The following SMC1B variants were observed in gnomAD, a reference collection of about 807,000 sequenced individuals.
SMC1B encodes structural maintenance of chromosomes protein 1B.
Under a neutral mutation model 157.9 loss-of-function variants are expected in SMC1B, and 60 were observed. The observed-to-expected ratio is 0.38, with a 90% confidence interval of 0.31 to 0.47. The LOEUF (loss-of-function observed/expected upper bound fraction) is 0.47. Among genes scored for constraint, SMC1B ranks in the 20% least tolerant of loss-of-function variants. The pLI is 0.99. For missense variants in SMC1B, 1,165 were observed against 1,426.2 expected (o/e 0.82, Z 2.95); for synonymous variants, 445 against 483.0 (o/e 0.92, Z 1.03).
chr22:45,347,188 C>T (rs761621440), intron 23 of SMC1B, among the ~76,000 whole-genome samples: 1 of 152,204 alleles, frequency 6.6e-6, no homozygotes, highest in Non-Finnish European at 1.5e-5. Context: ...ACTCAAGATG[C>T]TCTTCTTTCC....
At chr22:45,348,794 G>T (rs2086578351) in intron 23 of SMC1B, among the ~76,000 whole-genome samples, 1 of 151,574 alleles carries the variant, frequency 6.6e-6, no homozygotes, top group South Asian at 2.1e-4. Flanking sequence ...TGTCTCTCAG[G>T]CTCAGGTGAT....
rs937174219 is a variant in SMC1B at position 45,396,367 on chromosome 22, C to T, written c.1233G>A (p.Lys411=). The T allele has an allele frequency of 1.7e-5, 28 of 1,612,976 alleles. No individual in the cohort carries two copies. The highest frequency in any genetic ancestry group is 2.3e-5 in the Non-Finnish European group (27 of 1,179,566). The change falls in exon 7 of 25, where the codon AAG becomes AAA. Residue 411 remains lysine, a synonymous_variant. Transcript: ENST00000357450. ...ACACCTGAACTTCTCCATGCCTCCT[C>T]TTTTCAAATGCCAGTCTTTCTTCAT... The part of the protein sequence containing the change: ...KTDEERLAFE[K]RRHGEVQGNL...
chr22:45,367,084 G>A (rs1194747644), intron 15 of SMC1B, among the ~76,000 whole-genome samples: 1 of 152,146 alleles, frequency 6.6e-6, no homozygotes, highest in Non-Finnish European at 1.5e-5. Context: ...CTTGATCAGA[G>A]AGCTTGCCTA....
chr22:45,389,799 G>C lies in SMC1B; in HGVS notation c.1644C>G (p.Ala548=). 1 of 1,614,022 alleles carries C rather than the reference G, an allele frequency of 6.2e-7. No individual in the cohort carries two copies. The highest frequency in any genetic ancestry group is 8.5e-7 in the Non-Finnish European group (1 of 1,179,966). ...FGRFITAIVV[A]SEKVAKDCIR... ...TACAATCTTTTGCTACCTTTTCAGA[G>C]GCTACAACAATGGCAGTGATGAACC... Residue 548 remains alanine (A), a synonymous_variant, in exon 10 of 25, where the codon GCC becomes GCG. Coordinates refer to ENST00000357450, the MANE Select transcript of SMC1B (RefSeq NM_148674.5).
intron 7 of SMC1B, 136 bp from the exon 8 acceptor site, chr22:45,394,903 T>G: frequency 9.6e-7 from 1 of 1,039,506 alleles, no homozygotes; most frequent in East Asian, 3.7e-5. Context: ...AAAACACTTA[T>G]CAGAGCAAAT....
At chr22:45,353,918 A>AAC in intron 21 of SMC1B, 60 bp downstream of exon 21, 1 of 862,580 alleles carries the variant, frequency 1.2e-6, no homozygotes. Context: ...AAAAAAAAAA[A>AAC]AACAACCACC....
At chr22:45,386,537 C>T (rs552975762) in intron 11 of SMC1B, among the ~76,000 whole-genome samples, 74 of 151,996 alleles carry the variant, frequency 4.9e-4, no homozygotes, top group African/African-American at 1.1e-3. Context: ...GTATTCAAAA[C>T]CACAGGTACC....
intron 10 of SMC1B, among the ~76,000 whole-genome samples, chr22:45,387,424 T>G (rs2087001291): frequency 6.6e-6 from 1 of 151,898 alleles, no homozygotes; most frequent in African/African-American, 2.4e-5. Flanking sequence ...CACTCCAGCC[T>G]AGGCAACAGA....
At chr22:45,380,541 C>T (rs1307223062) in intron 12 of SMC1B, among the ~76,000 whole-genome samples, 1 of 152,156 alleles carries the variant, frequency 6.6e-6, no homozygotes, top group Non-Finnish European at 1.5e-5. Context: ...GAAGCTTCTT[C>T]CACTTAGTCT....
intron 18 of SMC1B, among the ~76,000 whole-genome samples, chr22:45,359,408 C>G (rs1310338674): frequency 2.0e-5 from 3 of 152,188 alleles, no homozygotes; most frequent in African/African-American, 7.2e-5. Context: ...CCGTCACCAC[C>G]TGGAGATACT....
chr22:45,349,053 C>T (rs982574947), intron 23 of SMC1B, among the ~76,000 whole-genome samples: 10 of 131,372 alleles, frequency 7.6e-5, no homozygotes, highest in South Asian at 2.4e-4. Context: ...GAGTCTCTGT[C>T]GCTCAGGCTG....
chr22:45,345,695 T>G, intron 23 of SMC1B, 126 bp from the exon 24 acceptor site: 1 of 609,508 alleles, frequency 1.6e-6, no homozygotes. Context: ...ACCTTTCCAA[T>G]AATTCAATAA....
intron 19 of SMC1B, among the ~76,000 whole-genome samples, 155 bp downstream of exon 19, chr22:45,358,542 T>C (rs1602051923): frequency 6.6e-6 from 1 of 152,336 alleles, no homozygotes; most frequent in African/African-American, 2.4e-5. Flanking sequence ...AGAAGTTTCA[T>C]GATTACAGTG....
At chr22:45,349,609 C>T (rs2086590699) in intron 23 of SMC1B, 119 bp downstream of exon 23, 1 of 762,078 alleles carries the variant, frequency 1.3e-6, no homozygotes, top group Non-Finnish European at 2.1e-6. Context: ...GCTGGGATTA[C>T]AGGCGTGAGC....
At chr22:45,377,636 CAAA>C (rs146368901) in intron 12 of SMC1B, among the ~76,000 whole-genome samples, 1 of 120,540 alleles carries the variant, frequency 8.3e-6, no homozygotes. Context: ...GACTCTGTCT[CAAA>C]AAAAAAAAAA....
intron 2 of SMC1B, among the ~76,000 whole-genome samples, 157 bp from the exon 3 acceptor site, chr22:45,407,022 G>A (rs2087269951): frequency 6.6e-6 from 1 of 152,116 alleles, no homozygotes; most frequent in Non-Finnish European, 1.5e-5. Flanking sequence ...AACAAATATT[G>A]AGTGTCTATT....
chr22:45,399,078 A>G lies in SMC1B; in HGVS notation c.1113+17T>C. Reference sequence around the variant, plus strand: ...ATAATAGAAACACAAGATTTCCCCTAAGTTGTCCTTTTTTACCTGACTGGC... The same window carrying G: ...ATAATAGAAACACAAGATTTCCCCTGAGTTGTCCTTTTTTACCTGACTGGC... On this transcript the variant is annotated intron_variant, in intron 6 of 24. Coordinates refer to ENST00000357450, the MANE Select transcript of SMC1B (RefSeq NM_148674.5). The G allele has an allele frequency of 6.2e-7, 1 of 1,601,844 alleles. No individual in the cohort carries two copies. The highest frequency in any genetic ancestry group is 8.5e-7 in the Non-Finnish European group (1 of 1,176,756).
chr22:45,348,853 C>T (rs919785872), intron 23 of SMC1B, among the ~76,000 whole-genome samples: 2 of 151,694 alleles, frequency 1.3e-5, no homozygotes, highest in South Asian at 2.1e-4. Flanking sequence ...TGTGTGCCAC[C>T]ATGCTCAGAT....
intron 5 of SMC1B, among the ~76,000 whole-genome samples, chr22:45,400,692 C>T (rs2087182237): frequency 6.6e-6 from 1 of 152,094 alleles, no homozygotes; most frequent in South Asian, 2.1e-4. Context: ...AAAATAACCT[C>T]ACAGAGGAGA....
Sources: allele counts gnomAD v4.1 joint callset (sites outside exome capture counted in the v4.1 genomes callset), GRCh38; gene constraint gnomAD v4.1.1; transcripts MANE v1.5; gene names NCBI Gene and HGNC (gene_info 2026-07-23, HGNC 2026-07-21).